Variants in SPINK7 observed in about 807,000 individuals in gnomAD.
SPINK7 encodes serine protease inhibitor Kazal-type 7.
A neutral mutation model predicts 11.6 loss-of-function variants in SPINK7; 8 were observed. The ratio of observed to expected loss-of-function variants is 0.69; its 90% CI spans 0.41 to 1.25. The LOEUF is 1.25. SPINK7 is among the 50% of genes most tolerant of loss of function. The pLI, the probability that SPINK7 is intolerant of heterozygous loss-of-function variation, is 0.01. For missense variants in SPINK7, 113 were observed against 99.3 expected (o/e 1.14, Z -0.58); for synonymous variants, 38 against 35.3 (o/e 1.08, Z -0.27).
At chr5:148,313,102 T>C (rs146462358) in intron 1 of SPINK7, among the ~76,000 whole-genome samples, 1 of 152,172 alleles carries the variant, frequency 6.6e-6, no homozygotes, top group African/African-American at 2.4e-5. Flanking sequence ...CTTTGGCCAT[T>C]ATCAAAAACA....
chr5:148,313,795 T>C (rs1756893251), intron 2 of SPINK7: 8 of 474,888 alleles, frequency 1.7e-5, no homozygotes, highest in Non-Finnish European at 3.0e-5. Context: ...ATTTTCACAT[T>C]TGTAAAGAGA....
At chr5:148,312,668 T>C (rs952315384) in intron 1 of SPINK7, 124 bp downstream of exon 1, 36 of 614,228 alleles carry the variant, frequency 5.9e-5, no homozygotes, top group African/African-American at 5.5e-4. Context: ...TGGTTTGTAA[T>C]AGGATCTTAT....
At chr5:148,313,735 C>T (rs1197780681) in intron 2 of SPINK7, 1 of 425,064 alleles carries the variant, frequency 2.4e-6, no homozygotes, top group Non-Finnish European at 4.2e-6. Context: ...CCTAACTCTA[C>T]TACTTACCAG....
At position 148,315,679 on chromosome 5, in the gene SPINK7, T is replaced by G. The variant is rs753780704; in HGVS notation, c.253T>G (p.Cys85Gly). 2 of 1,585,874 alleles carry G rather than the reference T, an allele frequency of 1.3e-6. No individual in the cohort carries two copies. Among genetic ancestry groups the G allele is most frequent in the Admixed American group, 3.3e-5 (2 of 59,936 alleles). The change falls in exon 4 of 4, where the codon TGC (cysteine) becomes GGC (glycine). Residue 85 changes from cysteine to glycine, a missense_variant. By Grantham distance (159) the Cys-to-Gly change is radical. Coordinates refer to ENST00000274565, the MANE Select transcript of SPINK7 (RefSeq NM_032566.3). ...GRVQFLHDGSC is the reference protein window; with the variant it reads ...GRVQFLHDGSG The stretch of plus-strand genomic sequence containing the variant: ...AGTTCAGTTTCTTCACGATGGAAGT[T>G]GCTAAATTCTCCATGGACATAGAGA...
At chr5:148,314,820 T>A (rs961760924) in intron 3 of SPINK7, among the ~76,000 whole-genome samples, 1 of 152,128 alleles carries the variant, frequency 6.6e-6, no homozygotes, top group Admixed American at 6.6e-5. Context: ...AAGGGGGGAA[T>A]AAGGCTACAA....
chr5:148,315,465 T>G (rs1756917508), intron 3 of SPINK7, among the ~76,000 whole-genome samples, 174 bp from the exon 4 acceptor site: 1 of 152,168 alleles, frequency 6.6e-6, no homozygotes, highest in African/African-American at 2.4e-5. Context: ...AGGGAAATTC[T>G]GCTTCTTCCT....
At chr5:148,315,061 G>A (rs1017336455) in intron 3 of SPINK7, among the ~76,000 whole-genome samples, 3 of 152,080 alleles carry the variant, frequency 2.0e-5, no homozygotes, top group African/African-American at 7.2e-5. Context: ...ACTGGATTTT[G>A]GACACTTAGA....
chr5:148,314,173 G>C lies in SPINK7; in HGVS notation c.161G>C (p.Gly54Ala), dbSNP rs748146974. Reference sequence around the variant, plus strand: ...CCCATCACATACCTACCAGTTTGTGGTTCTGACTACATCACCTATGGGAAT... The same window carrying C: ...CCCATCACATACCTACCAGTTTGTGCTTCTGACTACATCACCTATGGGAAT... ...PCPITYLPVCGSDYITYGNEC... is the reference protein window; with the variant it reads ...PCPITYLPVCASDYITYGNEC... The change falls in exon 3 of 4, where the codon GGT becomes GCT. Residue 54 changes from glycine (G) to alanine (A), a missense_variant. Physicochemically the swap from Gly to Ala is moderately conservative, Grantham distance 60. Coordinates refer to ENST00000274565, the MANE Select transcript of SPINK7 (RefSeq NM_032566.3). 3.1e-6 allele frequency: 5 copies of C among 1,613,666 alleles called. No individual in the cohort carries two copies. In the African/African-American group the frequency reaches 6.7e-5, roughly 22 times the overall value.
intron 3 of SPINK7, among the ~76,000 whole-genome samples, 187 bp from the exon 4 acceptor site, chr5:148,315,452 A>T (rs1023585089): frequency 6.6e-6 from 1 of 152,070 alleles, no homozygotes; most frequent in African/African-American, 2.4e-5. Context: ...TTATCACTGG[A>T]CTAGGGAAAT....
At chr5:148,315,113 C>A (rs1332615470) in intron 3 of SPINK7, among the ~76,000 whole-genome samples, 1 of 152,074 alleles carries the variant, frequency 6.6e-6, no homozygotes, top group East Asian at 1.9e-4. Context: ...CAAGTGAGAA[C>A]AACAAGCCCT....
chr5:148,314,299 C>T (rs1756902605), intron 3 of SPINK7, 75 bp downstream of exon 3: 20 of 1,515,380 alleles, frequency 1.3e-5, no homozygotes, highest in African/African-American at 2.8e-5. Flanking sequence ...TTTCCAGGAT[C>T]CAGCTTAAAT....
intron 3 of SPINK7, among the ~76,000 whole-genome samples, chr5:148,314,988 T>G (rs544363051): frequency 5.3e-5 from 8 of 152,304 alleles, no homozygotes; most frequent in African/African-American, 1.9e-4. Flanking sequence ...GTACAAGACA[T>G]GCAAATTACA....
rs1194221090 is a variant in SPINK7 at position 148,312,444 on chromosome 5, ACAATCT to A, written c.-37_-32del. On this transcript the variant is annotated 5_prime_UTR_variant, in exon 1 of 4. Transcript: ENST00000274565. ...GGATATGGTCGATGCAGCTGTAGTG[ACAATCT>A]CAGAGCAGCTTCTACACCACAGCCA... 1 of 1,388,494 alleles carries A rather than the reference ACAATCT, an allele frequency of 7.2e-7. No individual in the cohort carries two copies. Among genetic ancestry groups the A allele is most frequent in the Non-Finnish European group, 1.0e-6 (1 of 974,732 alleles). The allele number at this position is 1,388,494 out of a possible 1,614,324, so 86.0% of individuals were successfully genotyped here. A position where few individuals can be genotyped will look rare whatever the true frequency, so the allele number is the denominator to read the frequency against.
At chr5:148,314,595 CT>C (rs1446480481) in intron 3 of SPINK7, 1 of 213,768 alleles carries the variant, frequency 4.7e-6, no homozygotes, top group Admixed American at 5.2e-5. Context: ...TAAAGTTCAG[CT>C]TTGACTATTT....
rs57994439 is a variant in SPINK7 at position 148,315,893 on chromosome 5, G to A, written c.*209G>A. On this transcript the variant is annotated 3_prime_UTR_variant, in exon 4 of 4. Transcript: ENST00000274565. ...CAGACCAGCATTTTTTTTTTAACACGTCAATAAAAAAATAATCTCCCAGAA... is the reference window on the plus strand; with the variant it reads ...CAGACCAGCATTTTTTTTTTAACACATCAATAAAAAAATAATCTCCCAGAA... The A allele has an allele frequency of 2.2e-3, 857 of 391,112 alleles. 3 individuals are homozygous for A. Among genetic ancestry groups the A allele is most frequent in the African/African-American group, 0.015 (715 of 48,574 alleles). 24.2% of individuals were successfully genotyped at this position (391,112 alleles called of 1,614,324 possible).
chr5:148,315,149 T>C (rs527615533), intron 3 of SPINK7, among the ~76,000 whole-genome samples: 1 of 152,300 alleles, frequency 6.6e-6, no homozygotes, highest in African/African-American at 2.4e-5. Flanking sequence ...TGTCTATGTA[T>C]TTATTCCTAT....
At chr5:148,315,258 G>A (rs1756914101) in intron 3 of SPINK7, among the ~76,000 whole-genome samples, 1 of 152,112 alleles carries the variant, frequency 6.6e-6, no homozygotes, top group South Asian at 2.1e-4. Context: ...AGGGACACTG[G>A]AGAGAAACAT....
In SPINK7 at chr5:148,315,668, A is replaced by G. The variant is rs1354098007; in HGVS notation, c.242A>G (p.His81Arg). ...LKSNGRVQFL[H>R]DGSC Reference sequence around the variant, plus strand: ...AGTAATGGAAGAGTTCAGTTTCTTCACGATGGAAGTTGCTAAATTCTCCAT... The same window carrying G: ...AGTAATGGAAGAGTTCAGTTTCTTCGCGATGGAAGTTGCTAAATTCTCCAT... Residue 81 changes from histidine (H) to arginine (R), a missense_variant, in exon 4 of 4, where the codon CAC becomes CGC. His to Arg is a conservative substitution (Grantham distance 29). Transcript: ENST00000274565. The G allele has an allele frequency of 6.2e-7, 1 of 1,600,600 alleles. No homozygotes were observed. The highest frequency in any genetic ancestry group is 8.6e-7 in the Non-Finnish European group (1 of 1,168,036).
chr5:148,313,473 T>TGACAGTCAA, intron 2 of SPINK7, 74 bp downstream of exon 2: 1 of 1,170,034 alleles, frequency 8.5e-7, no homozygotes. Flanking sequence ...GTAGGATAAA[T>TGACAGTCAA]TATGTTTAGG....
Sources: gnomAD v4.1 joint callset for allele counts (sites outside exome capture counted in the v4.1 genomes callset) on GRCh38, gnomAD v4.1.1 for gene constraint, MANE v1.5 for transcripts, NCBI Gene and HGNC (gene_info 2026-07-23, HGNC 2026-07-21) for gene names.